SASH1: variants seen among roughly 807,000 people sequenced by gnomAD.
SASH1 encodes the protein SAM and SH3 domain containing 1, also known as SAM and SH3 domain-containing protein 1.
Under a neutral mutation model 125.2 loss-of-function variants are expected in SASH1, and 44 were observed. The ratio of observed to expected loss-of-function variants is 0.35; its 90% CI spans 0.28 to 0.45. SASH1 has a LOEUF of 0.45. Ranked by LOEUF, SASH1 falls within the 20% of genes least tolerant of loss-of-function variation. The pLI is 1.00. For missense variants in SASH1, 1,426 were observed against 1,614.5 expected, an observed-to-expected ratio of 0.88 and a Z score of 2.00; for synonymous variants, 639 against 649.1, an observed-to-expected ratio of 0.98 and a Z score of 0.24.
intron 8 of SASH1, chr6:148,509,167 G>A: frequency 3.0e-6 from 1 of 338,340 alleles, no homozygotes; most frequent in Non-Finnish European, 5.8e-6. Context: ...CTTTTCCTGG[G>A]GAGGACTTGA....
At chr6:148,250,282 G>A in the SASH1 span, among the ~76,000 whole-genome samples, 1 of 152,022 alleles carries the variant, frequency 6.6e-6, no homozygotes, top group Non-Finnish European at 1.5e-5. Context: ...CCTTCCTCTT[G>A]TTCTGTCTTT....
intron 4 of SASH1, among the ~76,000 whole-genome samples, chr6:148,468,092 C>A (rs975469678): frequency 6.6e-6 from 1 of 152,194 alleles, no homozygotes; most frequent in East Asian, 1.9e-4. Context: ...GGTGTCTCAC[C>A]CGCCTCCCTG....
intron 4 of SASH1, among the ~76,000 whole-genome samples, chr6:148,466,970 T>TGCA (rs1777866449): frequency 6.6e-6 from 1 of 152,142 alleles, no homozygotes; most frequent in Non-Finnish European, 1.5e-5. Context: ...TCTCTTCTGA[T>TGCA]GCAGGTGCCT....
At chr6:148,362,142 T>A (rs1485977803) in intron 1 of SASH1, among the ~76,000 whole-genome samples, 1 of 151,866 alleles carries the variant, frequency 6.6e-6, no homozygotes, top group African/African-American at 2.4e-5. Flanking sequence ...TTAGCCAGGA[T>A]GGTCTCGATA....
chr6:148,445,867 G>A (rs1333522182), intron 4 of SASH1, among the ~76,000 whole-genome samples: 1 of 152,056 alleles, frequency 6.6e-6, no homozygotes, highest in Non-Finnish European at 1.5e-5. Context: ...CCCTTCAGGG[G>A]GCCCAGGATA....
Position 148,447,752 on chromosome 6 carries a change from C to G in SASH1, c.386+7345C>G, listed in dbSNP as rs939883062. Among the ~76,000 whole-genome samples, 9 of 151,960 alleles carry G rather than the reference C, an allele frequency of 5.9e-5. No individual in the cohort carries two copies. In the East Asian group the frequency reaches 1.6e-3, roughly 26 times the overall value. On this transcript the variant is annotated intron_variant, in intron 4 of 19. Coordinates refer to ENST00000367467, the MANE Select transcript of SASH1 (RefSeq NM_015278.5). ...TCCTCCTCCTCTTCCTCCTCCTCCT[C>G]CTCGTCCTCCTCTTCCTCTGTGGTC...
At chr6:148,489,226 G>A (rs1163224245) in intron 8 of SASH1, among the ~76,000 whole-genome samples, 2 of 152,200 alleles carry the variant, frequency 1.3e-5, no homozygotes, top group East Asian at 3.9e-4. Context: ...TGAAAAGACT[G>A]TCCTTTCCTC....
At chr6:148,227,450 C>T in the SASH1 span, among the ~76,000 whole-genome samples, 5,554 of 152,192 alleles carry the variant, frequency 0.036, 360 homozygotes, top group East Asian at 0.26. Flanking sequence ...CTCCGCCTCC[C>T]GAGTTCAAGC....
intron 1 of SASH1, among the ~76,000 whole-genome samples, chr6:148,312,797 T>G (rs1780367251): frequency 6.6e-6 from 1 of 152,128 alleles, no homozygotes; most frequent in Non-Finnish European, 1.5e-5. Context: ...ATTCCAGCCT[T>G]AGGAGATAGG....
At chr6:148,437,343 A>T (rs548930058) in intron 2 of SASH1, among the ~76,000 whole-genome samples, 1 of 152,364 alleles carries the variant, frequency 6.6e-6, no homozygotes, top group East Asian at 1.9e-4. Context: ...GTAATCTCTT[A>T]TCCTCGGGGG....
intron 1 of SASH1, among the ~76,000 whole-genome samples, chr6:148,374,316 T>C (rs1426354954): frequency 6.6e-6 from 1 of 152,184 alleles, no homozygotes; most frequent in African/African-American, 2.4e-5. Context: ...AGTAGGAATG[T>C]CCAAGCAAAC....
At chr6:148,235,638 C>T in the SASH1 span, among the ~76,000 whole-genome samples, 13 of 152,270 alleles carry the variant, frequency 8.5e-5, no homozygotes, top group African/African-American at 2.9e-4. Flanking sequence ...TGAGTCAAAC[C>T]TACAGCTCCT....
intron 9 of SASH1, among the ~76,000 whole-genome samples, chr6:148,517,527 C>T (rs552646851): frequency 6.6e-6 from 1 of 152,284 alleles, no homozygotes; most frequent in Admixed American, 6.5e-5. Flanking sequence ...AGCGATGCTC[C>T]AAGTTCAAGC....
At chr6:148,350,423 A>G (rs887273594) in intron 1 of SASH1, among the ~76,000 whole-genome samples, 7 of 152,250 alleles carry the variant, frequency 4.6e-5, no homozygotes, top group Non-Finnish European at 1.0e-4. Context: ...TATGCACACC[A>G]CTGAAAGATC....
intron 2 of SASH1, among the ~76,000 whole-genome samples, chr6:148,407,676 C>T (rs1012654419): frequency 6.6e-5 from 10 of 152,026 alleles, no homozygotes; most frequent in Non-Finnish European, 8.8e-5. Flanking sequence ...TCTGTCACTC[C>T]GGCTGGAGTG....
chr6:148,534,924 G>A, intron 16 of SASH1, 23 bp downstream of exon 16: 2 of 1,612,874 alleles, frequency 1.2e-6, no homozygotes. Flanking sequence ...ATGCACAGAG[G>A]TGTTCCCTGT....
chr6:148,390,329 C>G, intron 2 of SASH1, 67 bp downstream of exon 2: 1 of 1,509,218 alleles, frequency 6.6e-7, no homozygotes, highest in South Asian at 1.2e-5. Flanking sequence ...TTTCCTTGGT[C>G]TTTATCCCAG....
At chr6:148,300,200 G>A (rs774788292) in intron 1 of SASH1, among the ~76,000 whole-genome samples, 3 of 152,148 alleles carry the variant, frequency 2.0e-5, no homozygotes, top group Admixed American at 6.5e-5. Flanking sequence ...TCATTAGTAT[G>A]ATCAGATTCA....
At chr6:148,304,060 T>C (rs902740646) in intron 1 of SASH1, among the ~76,000 whole-genome samples, 4 of 152,048 alleles carry the variant, frequency 2.6e-5, no homozygotes, top group Non-Finnish European at 4.4e-5. Flanking sequence ...ATCCCAACAC[T>C]TTGAGAGGCC....
Sources: allele counts gnomAD v4.1 joint callset (sites outside exome capture counted in the v4.1 genomes callset), GRCh38; gene constraint gnomAD v4.1.1; transcripts MANE v1.5; gene names NCBI Gene and HGNC (gene_info 2026-07-23, HGNC 2026-07-21).